TNFAIP6: variants seen among roughly 807,000 people sequenced by gnomAD.
TNFAIP6 encodes the protein TNF alpha induced protein 6.
Under a neutral mutation model 33.7 loss-of-function variants are expected in TNFAIP6, and 36 were observed. That is an observed-to-expected ratio of 1.07 (90% CI 0.82 to 1.41). The LOEUF is 1.41. TNFAIP6 is among the 40% of genes most tolerant of loss of function. The pLI is 0.00. For missense variants in TNFAIP6, 273 were observed against 331.9 expected (o/e 0.82, Z 1.38); for synonymous variants, 113 against 112.8 (o/e 1.00, Z -0.01).
intron 1 of TNFAIP6, among the ~76,000 whole-genome samples, chr2:151,362,387 G>A (rs1684638512): frequency 6.7e-6 from 1 of 150,182 alleles, no homozygotes; most frequent in South Asian, 2.1e-4. Flanking sequence ...TTTTTTCTCT[G>A]CTGTGTTTGA....
At position 151,364,220 on chromosome 2, in the gene TNFAIP6, C is replaced by G. The variant is rs1330467412; in HGVS notation, c.232+140C>G. ...CCCCTAGGACATTTCTGCTCTCTGA[C>G]TTCTCCTATCCATCTGCCTAGAGTT... is the stretch of plus-strand genomic sequence containing the variant. On this transcript the variant is annotated intron_variant, in intron 2 of 5. Coordinates refer to ENST00000243347, the MANE Select transcript of TNFAIP6 (RefSeq NM_007115.4). The G allele has an allele frequency of 5.5e-6, 6 of 1,086,000 alleles. No homozygotes were observed. In the East Asian group the frequency reaches 1.3e-4, roughly 24 times the overall value. The allele number at this position is 1,086,000 out of a possible 1,614,324, so 67.3% of individuals were successfully genotyped here.
intron 5 of TNFAIP6, 171 bp downstream of exon 5, chr2:151,373,760 AT>A: frequency 2.8e-6 from 1 of 355,046 alleles, no homozygotes; most frequent in Non-Finnish European, 5.1e-6. Context: ...AAAAAAAAAA[AT>A]TAAAGATTTA....
chr2:151,379,048 C>T (rs1013622865), intron 5 of TNFAIP6, among the ~76,000 whole-genome samples: 2 of 151,976 alleles, frequency 1.3e-5, no homozygotes, highest in African/African-American at 4.8e-5. Context: ...TGCGGTGAGC[C>T]GAGATCGCGC....
At chr2:151,380,803 G>C (rs575033014), downstream of TNFAIP6, among the ~76,000 whole-genome samples, 9 of 152,166 alleles carry the variant, frequency 5.9e-5, no homozygotes, top group Non-Finnish European at 1.3e-4. Flanking sequence ...TTTCGGGTTG[G>C]TGGTGTGAAA....
chr2:151,376,865 C>CTTTTTTTTTTTTTTTTTTTTTTTTTTT (rs71403162), intron 5 of TNFAIP6, among the ~76,000 whole-genome samples: 1 of 114,162 alleles, frequency 8.8e-6, no homozygotes, highest in Non-Finnish European at 1.7e-5. Flanking sequence ...TTTTTCTTTT[C>CTTTTTTTTTTTTTTTTTTTTTTTTTTT]TTTTTTTTTT....
intron 2 of TNFAIP6, 106 bp downstream of exon 2, chr2:151,364,186 A>G (rs1009526075): frequency 7.4e-7 from 1 of 1,354,248 alleles, no homozygotes. Context: ...CTTCTGATAT[A>G]TCACTAAGCC....
At chr2:151,362,243 T>C (rs534967359) in intron 1 of TNFAIP6, among the ~76,000 whole-genome samples, 31 of 152,276 alleles carry the variant, frequency 2.0e-4, no homozygotes, top group African/African-American at 5.5e-4. Context: ...ACAATCCATT[T>C]AAACAGTGAT....
chr2:151,377,092 G>A (rs1343406708), intron 5 of TNFAIP6, among the ~76,000 whole-genome samples: 2 of 151,764 alleles, frequency 1.3e-5, no homozygotes, highest in East Asian at 3.9e-4. Context: ...TCCTGCCTCA[G>A]CCTCCCAAAG....
At chr2:151,375,491 C>T (rs1297374113) in intron 5 of TNFAIP6, among the ~76,000 whole-genome samples, 2 of 151,838 alleles carry the variant, frequency 1.3e-5, no homozygotes, top group Non-Finnish European at 2.9e-5. Context: ...GGCGGATCAC[C>T]AGGTCAAGAG....
At chr2:151,361,396 C>T (rs897266718) in intron 1 of TNFAIP6, among the ~76,000 whole-genome samples, 12 of 152,086 alleles carry the variant, frequency 7.9e-5, no homozygotes, top group East Asian at 3.9e-4. Flanking sequence ...TCATTTTTTC[C>T]GTATACATCA....
At chr2:151,372,895 G>A (rs146305036) in intron 4 of TNFAIP6, among the ~76,000 whole-genome samples, 61 of 152,028 alleles carry the variant, frequency 4.0e-4, no homozygotes, top group African/African-American at 1.4e-3. Flanking sequence ...ACTCCAGCCC[G>A]GGCTATAGAC....
chr2:151,370,003 T>G lies in TNFAIP6; in HGVS notation c.395-17T>G. On this transcript the variant is annotated splice_polypyrimidine_tract_variant and intron_variant, in intron 3 of 5. Transcript: ENST00000243347. ...TAATGCTTTGGGGTTTTTACGTTTT[T>G]TTTCTTCTCATTTCAGCAAAGGAGT... The G allele has an allele frequency of 6.3e-7, 1 of 1,577,960 alleles. No homozygotes were observed. The highest frequency in any genetic ancestry group is 1.9e-5 in the Admixed American group (1 of 53,424).
chr2:151,365,754 TTCCATACG>T (rs1341564889), intron 2 of TNFAIP6, among the ~76,000 whole-genome samples: 1 of 152,198 alleles, frequency 6.6e-6, no homozygotes, highest in Non-Finnish European at 1.5e-5. Flanking sequence ...TCTCATGGCA[TTCCATACG>T]TCATTTGTGA....
chr2:151,365,873 G>T (rs941980699), intron 2 of TNFAIP6, among the ~76,000 whole-genome samples, 183 bp from the exon 3 acceptor site: 3 of 152,050 alleles, frequency 2.0e-5, no homozygotes, highest in Non-Finnish European at 4.4e-5. Context: ...ATAAAAATCA[G>T]AAGTTATATT....
At chr2:151,357,880 G>T in intron 1 of TNFAIP6, 120 bp downstream of exon 1, 3 of 578,414 alleles carry the variant, frequency 5.2e-6, no homozygotes, top group South Asian at 2.7e-5. Flanking sequence ...CAAAGAAAAT[G>T]CTTAGGAAAG....
chr2:151,368,355 T>G (rs1475214749), intron 3 of TNFAIP6: 1 of 148,540 alleles, frequency 6.7e-6, no homozygotes, highest in Non-Finnish European at 1.5e-5. Flanking sequence ...CTTTCTATGC[T>G]CCTGTTCTGC....
chr2:151,372,906 C>T (rs567437641), intron 4 of TNFAIP6, among the ~76,000 whole-genome samples: 77 of 151,932 alleles, frequency 5.1e-4, no homozygotes, highest in African/African-American at 1.7e-3. Context: ...GGCTATAGAC[C>T]GAGACTCCAT....
chr2:151,359,058 T>G (rs140099453), intron 1 of TNFAIP6, among the ~76,000 whole-genome samples: 142 of 152,270 alleles, frequency 9.3e-4, no homozygotes, highest in African/African-American at 3.2e-3. Context: ...TACAAAAATA[T>G]AAACCTGGAC....
intron 5 of TNFAIP6, among the ~76,000 whole-genome samples, chr2:151,377,780 G>A (rs1217298961): frequency 6.6e-6 from 1 of 151,708 alleles, no homozygotes; most frequent in Admixed American, 6.6e-5. Flanking sequence ...TTTTCTCTCA[G>A]TCTGTCTCGT....
Sources: allele counts gnomAD v4.1 joint callset (sites outside exome capture counted in the v4.1 genomes callset), GRCh38; gene constraint gnomAD v4.1.1; transcripts MANE v1.5; gene names NCBI Gene and HGNC (gene_info 2026-07-23, HGNC 2026-07-21).